The following LCLAT1 variants were observed in gnomAD, a reference collection of about 807,000 sequenced individuals.
The protein encoded by LCLAT1 is 1-AGP acyltransferase 8.
A neutral mutation model predicts 30.7 loss-of-function variants in LCLAT1; 11 were observed. The observed-to-expected ratio is 0.36, with a 90% confidence interval of 0.23 to 0.59. The LOEUF (loss-of-function observed/expected upper bound fraction) is 0.59. Ranked by LOEUF, LCLAT1 falls within the 20% of genes least tolerant of loss-of-function variation. The probability of loss-of-function intolerance (pLI) is 0.77; values close to 1 mark genes in which losing one functional copy is unlikely to be tolerated. For missense variants in LCLAT1, 402 were observed against 458.6 expected (o/e 0.88, Z 1.13); for synonymous variants, 155 against 151.3 (o/e 1.02, Z -0.18).
intron 3 of LCLAT1, among the ~76,000 whole-genome samples, chr2:30,555,987 G>T (rs556456524): frequency 1.3e-5 from 2 of 151,910 alleles, no homozygotes; most frequent in African/African-American, 4.8e-5. Context: ...ATAGAGACGG[G>T]GTTTCACCAT....
At chr2:30,589,388 A>C (rs76825637) in intron 5 of LCLAT1, among the ~76,000 whole-genome samples, 3 of 152,020 alleles carry the variant, frequency 2.0e-5, no homozygotes, top group African/African-American at 7.2e-5. Flanking sequence ...TTTCAGTTGG[A>C]TGAATTGAGA....
In LCLAT1 at chr2:30,447,317, C is replaced by A. The variant is rs1027557520; in HGVS notation, c.-71C>A. 12 of 152,108 alleles carry A rather than the reference C, an allele frequency of 7.9e-5. No individual in the cohort carries two copies. The highest frequency in any genetic ancestry group is 1.8e-4 in the Non-Finnish European group (12 of 68,096). The allele number at this position is 152,108 out of a possible 1,614,324, so 9.4% of individuals were successfully genotyped here. ...GCGGGTTCCGCACGGAGGTTGTGAC[C>A]CCTACGGAGCCCCAGCTTGCCCACG... is the stretch of plus-strand genomic sequence containing the variant. On this transcript the variant is annotated 5_prime_UTR_variant, in exon 1 of 6. Coordinates refer to ENST00000379509, the MANE Select transcript of LCLAT1 (RefSeq NM_001002257.3).
chr2:30,451,553 C>T (rs545207955), intron 1 of LCLAT1, among the ~76,000 whole-genome samples: 1 of 151,646 alleles, frequency 6.6e-6, no homozygotes, highest in Non-Finnish European at 1.5e-5. Context: ...TAAGATGAAA[C>T]ACTGCAGAAC....
intron 1 of LCLAT1, among the ~76,000 whole-genome samples, chr2:30,493,660 T>C (rs909160304): frequency 1.3e-5 from 2 of 152,234 alleles, no homozygotes; most frequent in African/African-American, 4.8e-5. Context: ...CTCCTTGTGC[T>C]ATCCCTTTAC....
At chr2:30,586,484 T>C (rs1666448066) in intron 5 of LCLAT1, among the ~76,000 whole-genome samples, 1 of 152,174 alleles carries the variant, frequency 6.6e-6, no homozygotes, top group Non-Finnish European at 1.5e-5. Context: ...CCCACTTCTT[T>C]TAAGGATACC....
At chr2:30,612,022 G>A (rs559538314) in intron 5 of LCLAT1, among the ~76,000 whole-genome samples, 2 of 152,188 alleles carry the variant, frequency 1.3e-5, no homozygotes, top group Admixed American at 6.5e-5. Context: ...TAGCACAGTA[G>A]AAAATGAAGC....
intron 3 of LCLAT1, among the ~76,000 whole-genome samples, chr2:30,534,219 CTGTGTGTGTGTGTG>C (rs57380693): frequency 0.17 from 22,422 of 130,548 alleles, 1,913 homozygotes; most frequent in East Asian, 0.34. Context: ...AGTTGATTTA[CTGTGTGTGTGTGTG>C]TGTGTGTGTG....
intron 5 of LCLAT1, among the ~76,000 whole-genome samples, chr2:30,600,230 C>G (rs112719358): frequency 0.014 from 2,056 of 152,218 alleles, 16 homozygotes; most frequent in Non-Finnish European, 0.019. Flanking sequence ...AACCATACAA[C>G]TACATGGAAA....
chr2:30,531,036 C>T (rs762553613), intron 2 of LCLAT1, among the ~76,000 whole-genome samples: 24 of 152,170 alleles, frequency 1.6e-4, no homozygotes, highest in East Asian at 5.8e-4. Flanking sequence ...GAGGCCAAGG[C>T]GGGCGAGTCG....
intron 1 of LCLAT1, among the ~76,000 whole-genome samples, chr2:30,450,939 GAAGA>G (rs892155454): frequency 2.8e-4 from 43 of 152,282 alleles, no homozygotes; most frequent in Middle Eastern, 3.4e-3. Context: ...TGGACCGGAA[GAAGA>G]AATTTGCAAT....
At position 30,510,023 on chromosome 2, in the gene LCLAT1, C is replaced by CAG. The variant is rs144425942; in HGVS notation, c.-4-15562_-4-15561dup. Among the ~76,000 whole-genome samples the CAG allele has an allele frequency of 2.0e-3, 303 of 152,300 alleles. 3 individuals are homozygous for CAG. The East Asian group carries it at 0.035, about 17-fold the overall frequency. Reference sequence around the variant, plus strand: ...CTGGACACTCTATTCTTGACTCAAACAGATGGTTTGTTTAGTAGCAAGGAT... The same window carrying CAG: ...CTGGACACTCTATTCTTGACTCAAACAGAGATGGTTTGTTTAGTAGCAAGGAT... On this transcript the variant is annotated intron_variant, in intron 1 of 5. Coordinates refer to ENST00000379509, the MANE Select transcript of LCLAT1 (RefSeq NM_001002257.3).
intron 1 of LCLAT1, among the ~76,000 whole-genome samples, chr2:30,518,721 T>C (rs1288536158): frequency 1.3e-5 from 2 of 152,178 alleles, no homozygotes; most frequent in Non-Finnish European, 2.9e-5. Flanking sequence ...AGCAGAATGG[T>C]TTACAGTCCT....
At chr2:30,622,712 C>A (rs1041628236) in intron 5 of LCLAT1, among the ~76,000 whole-genome samples, 1 of 152,180 alleles carries the variant, frequency 6.6e-6, no homozygotes, top group African/African-American at 2.4e-5. Context: ...GTAACAGTCA[C>A]TGCAGTTCAG....
chr2:30,462,115 A>C (rs192411722), intron 1 of LCLAT1, among the ~76,000 whole-genome samples: 8 of 152,264 alleles, frequency 5.3e-5, no homozygotes, highest in Non-Finnish European at 8.8e-5. Flanking sequence ...CAGAACTTTC[A>C]GTTACTCTCC....
At chr2:30,552,388 T>A in intron 3 of LCLAT1, 1 of 317,878 alleles carries the variant, frequency 3.1e-6, no homozygotes, top group South Asian at 2.5e-5. Context: ...CTCCACTTTT[T>A]GGTGTGTCAA....
chr2:30,519,355 C>T (rs1441663150), intron 1 of LCLAT1, among the ~76,000 whole-genome samples: 2 of 152,234 alleles, frequency 1.3e-5, no homozygotes, highest in South Asian at 2.1e-4. Context: ...AGCCCATGCT[C>T]TGATGTTGAT....
Position 30,447,345 on chromosome 2 carries a change from C to T in LCLAT1, c.-43C>T, listed in dbSNP as rs1453123228. 1 of 152,148 alleles carries T rather than the reference C, an allele frequency of 6.6e-6. No homozygotes were observed. The highest frequency in any genetic ancestry group is 1.5e-5 in the Non-Finnish European group (1 of 68,100). 9.4% of individuals were successfully genotyped at this position (152,148 alleles called of 1,614,324 possible). On this transcript the variant is annotated 5_prime_UTR_variant, in exon 1 of 6. Coordinates refer to ENST00000379509, the MANE Select transcript of LCLAT1 (RefSeq NM_001002257.3). ...TACGGAGCCCCAGCTTGCCCACGCA[C>T]CCCACTCGGCGTCGCGCGGCGTGCC...
chr2:30,496,417 G>A (rs569453429), intron 1 of LCLAT1, among the ~76,000 whole-genome samples: 1 of 152,272 alleles, frequency 6.6e-6, no homozygotes, highest in South Asian at 2.1e-4. Context: ...GGAGTTTCTG[G>A]GCGTCTTTCT....
chr2:30,485,273 T>C (rs1207922775), intron 1 of LCLAT1, among the ~76,000 whole-genome samples: 1 of 152,172 alleles, frequency 6.6e-6, no homozygotes, highest in East Asian at 1.9e-4. Context: ...TAGAAAGATA[T>C]ATAGCTAACG....
Sources: gnomAD v4.1 joint callset for allele counts (sites outside exome capture counted in the v4.1 genomes callset) on GRCh38, gnomAD v4.1.1 for gene constraint, MANE v1.5 for transcripts, NCBI Gene and HGNC (gene_info 2026-07-23, HGNC 2026-07-21) for gene names.